ADARB2: variants seen among roughly 807,000 people sequenced by gnomAD.
ADARB2 encodes the protein adenosine deaminase RNA specific B2 (inactive), also known as inactive double-stranded RNA-specific editase B2.
In ADARB2, 25 loss-of-function variants were observed where a neutral mutation model predicts 62.2. That is an observed-to-expected ratio of 0.40 (90% CI 0.29 to 0.56). The LOEUF is 0.56. Among genes scored for constraint, ADARB2 ranks in the 20% least tolerant of loss-of-function variants. The pLI, the probability that ADARB2 is intolerant of heterozygous loss-of-function variation, is 0.43. For synonymous variants in ADARB2, 572 were observed against 500.8 expected (o/e 1.14, Z -1.90); for missense variants, 1,071 against 1,077.4 (o/e 0.99, Z 0.08).
chr10:1,368,633 T>G (rs1209380657), intron 2 of ADARB2, among the ~76,000 whole-genome samples: 1 of 152,172 alleles, frequency 6.6e-6, no homozygotes, highest in Non-Finnish European at 1.5e-5. Flanking sequence ...GCATTAGCTT[T>G]TCCACACACA....
Position 1,560,569 on chromosome 10 carries a change from C to T in ADARB2, c.100+176482G>A, listed in dbSNP as rs1315505948. Among the ~76,000 whole-genome samples, 14 of 32,612 alleles carry T rather than the reference C, an allele frequency of 4.3e-4. 2 individuals are homozygous for T. The highest frequency in any genetic ancestry group is 8.6e-4 in the African/African-American group (13 of 15,166). 21.4% of individuals were successfully genotyped at this position (32,612 alleles called of 152,430 possible). A position where few individuals can be genotyped will look rare whatever the true frequency, so the allele number is the denominator to read the frequency against. On this transcript the variant is annotated intron_variant, in intron 1 of 9. Transcript: ENST00000381312. ...GGGGCACCCTGGGTCGTCACACACG[C>T]GTGAACACACGGGGGGTGGGTTGGA...
intron 1 of ADARB2, among the ~76,000 whole-genome samples, chr10:1,390,699 CCT>C (rs1406317299): frequency 6.6e-6 from 1 of 152,168 alleles, no homozygotes; most frequent in East Asian, 1.9e-4. Context: ...TATTAAAAAG[CCT>C]TAGACATTGC....
At chr10:1,409,672 C>A (rs1369535528) in intron 1 of ADARB2, among the ~76,000 whole-genome samples, 1 of 67,248 alleles carries the variant, frequency 1.5e-5, no homozygotes, top group African/African-American at 5.2e-5. Context: ...GGCCTGGCCA[C>A]GGTCATGGGG....
intron 1 of ADARB2, among the ~76,000 whole-genome samples, chr10:1,476,894 T>C (rs967899171): frequency 2.0e-5 from 3 of 152,040 alleles, no homozygotes; most frequent in African/African-American, 7.2e-5. Context: ...CAAGTGAGGG[T>C]GGCCGCATGA....
intron 4 of ADARB2, among the ~76,000 whole-genome samples, chr10:1,265,829 C>T (rs1168731120): frequency 7.4e-6 from 1 of 134,374 alleles, no homozygotes; most frequent in Non-Finnish European, 1.6e-5. Context: ...GGCCCAGGGT[C>T]CCCCGGAAGA....
chr10:1,446,795 TAA>T (rs924518058), intron 1 of ADARB2, among the ~76,000 whole-genome samples: 1 of 152,228 alleles, frequency 6.6e-6, no homozygotes, highest in African/African-American at 2.4e-5. Context: ...TGGACTTTGA[TAA>T]GTTTTGCTTT....
At chr10:1,484,734 GTA>G (rs1184659827) in intron 1 of ADARB2, among the ~76,000 whole-genome samples, 1 of 152,314 alleles carries the variant, frequency 6.6e-6, no homozygotes, top group South Asian at 2.1e-4. Flanking sequence ...GTGGAGGTGT[GTA>G]TGTAGGCGTG....
At chr10:1,630,190 A>T (rs1018032779) in intron 1 of ADARB2, among the ~76,000 whole-genome samples, 1 of 152,234 alleles carries the variant, frequency 6.6e-6, no homozygotes, top group Non-Finnish European at 1.5e-5. Flanking sequence ...ACATTCATGA[A>T]GGGTCCACTG....
chr10:1,232,210 A>G (rs1319806560), intron 6 of ADARB2, among the ~76,000 whole-genome samples: 1 of 151,954 alleles, frequency 6.6e-6, no homozygotes, highest in Non-Finnish European at 1.5e-5. Flanking sequence ...CACACACCAC[A>G]TACACCACTG....
intron 6 of ADARB2, among the ~76,000 whole-genome samples, chr10:1,230,109 T>A (rs1830789987): frequency 6.7e-6 from 1 of 149,568 alleles, no homozygotes; most frequent in Admixed American, 6.8e-5. Flanking sequence ...CTCCTTCGGT[T>A]TCAGATGAGC....
chr10:1,287,581 T>C (rs1390706761), intron 3 of ADARB2, among the ~76,000 whole-genome samples: 1 of 152,210 alleles, frequency 6.6e-6, no homozygotes. Context: ...TCTGCAGCCA[T>C]GCACATAGAT....
At position 1,633,542 on chromosome 10, in the gene ADARB2, TATCTATC is replaced by T. The variant is rs941065668; in HGVS notation, c.100+103502_100+103508del. Among the ~76,000 whole-genome samples the T allele has an allele frequency of 4.9e-5, 6 of 121,702 alleles. No homozygotes were observed. In the East Asian group the frequency reaches 7.4e-4, roughly 15 times the overall value. The allele number at this position is 121,702 out of a possible 152,430, so 79.8% of individuals were successfully genotyped here. On this transcript the variant is annotated intron_variant, in intron 1 of 9. Coordinates refer to ENST00000381312, the MANE Select transcript of ADARB2 (RefSeq NM_018702.4). The stretch of plus-strand genomic sequence containing the variant: ...GAGTGAGTCTGTCTGTCTGTCTGTC[TATCTATC>T]ATCTATCTATCTATCTATCTATCTA...
chr10:1,476,384 G>C (rs2131920948), intron 1 of ADARB2, among the ~76,000 whole-genome samples: 1 of 152,330 alleles, frequency 6.6e-6, no homozygotes, highest in East Asian at 1.9e-4. Flanking sequence ...TGAGTGGGAA[G>C]AAGGCCACAC....
intron 1 of ADARB2, among the ~76,000 whole-genome samples, chr10:1,505,110 GACAC>G (rs139223328): frequency 0.094 from 14,197 of 151,142 alleles, 1,107 homozygotes; most frequent in East Asian, 0.32. Flanking sequence ...TGCACACACA[GACAC>G]ACACAACATA....
chr10:1,590,450 G>T (rs1041683543), intron 1 of ADARB2, among the ~76,000 whole-genome samples: 3 of 152,112 alleles, frequency 2.0e-5, no homozygotes, highest in Non-Finnish European at 2.9e-5. Flanking sequence ...TATCCACATG[G>T]TTAAATAAAA....
chr10:1,539,076 CAG>C (rs1353085093), intron 1 of ADARB2, among the ~76,000 whole-genome samples: 1 of 152,152 alleles, frequency 6.6e-6, no homozygotes, highest in African/African-American at 2.4e-5. Context: ...ATCCTACAGC[CAG>C]AGTTTCCTCT....
At chr10:1,629,930 C>G (rs536558575) in intron 1 of ADARB2, among the ~76,000 whole-genome samples, 1 of 152,024 alleles carries the variant, frequency 6.6e-6, no homozygotes, top group East Asian at 1.9e-4. Context: ...GAGGGAGGAA[C>G]CTGACAAAAC....
chr10:1,573,616 C>T (rs991777594), intron 1 of ADARB2, among the ~76,000 whole-genome samples: 2 of 152,168 alleles, frequency 1.3e-5, no homozygotes, highest in African/African-American at 2.4e-5. Context: ...CAGGCCCAGG[C>T]GCACTCTGCA....
rs538867748 is a variant in ADARB2, at chr10:1,481,638, C to T, written c.101-102478G>A. On this transcript the variant is annotated intron_variant, in intron 1 of 9. Transcript: ENST00000381312. Reference sequence around the variant, plus strand: ...ATCATCCCAGCTGAAGTGTGCGGATCACGAGGTCAGGAGTTCAAGACCAGC... The same window carrying T: ...ATCATCCCAGCTGAAGTGTGCGGATTACGAGGTCAGGAGTTCAAGACCAGC... Among the ~76,000 whole-genome samples, 32 of 20,034 alleles carry T rather than the reference C, an allele frequency of 1.6e-3. No homozygotes were observed. In the East Asian group the frequency reaches 0.39, roughly 242 times the overall value. The allele number at this position is 20,034 out of a possible 152,430, so 13.1% of individuals were successfully genotyped here. A position where few individuals can be genotyped will look rare whatever the true frequency, so the allele number is the denominator to read the frequency against.
Sources: allele counts gnomAD v4.1 joint callset (sites outside exome capture counted in the v4.1 genomes callset), GRCh38; gene constraint gnomAD v4.1.1; transcripts MANE v1.5; gene names NCBI Gene and HGNC (gene_info 2026-07-23, HGNC 2026-07-21).